SOS1: variants seen among roughly 807,000 people sequenced by gnomAD.
SOS1 encodes son of sevenless homolog 1.
SOS1 carries 25 observed loss-of-function variants against 157.6 expected under a neutral mutation model. The ratio of observed to expected loss-of-function variants is 0.16; its 90% confidence interval spans 0.12 to 0.22. SOS1 has a LOEUF of 0.22. Among genes scored for constraint, SOS1 ranks in the 10% least tolerant of loss-of-function variants. SOS1 has a pLI of 1.00. For missense variants in SOS1, 1,237 were observed against 1,599.1 expected (o/e 0.77, Z 3.86); for synonymous variants, 528 against 534.0 (o/e 0.99, Z 0.16).
At chr2:39,047,301 T>C (rs1359146869) in intron 6 of SOS1, among the ~76,000 whole-genome samples, 1 of 152,234 alleles carries the variant, frequency 6.6e-6, no homozygotes, top group Non-Finnish European at 1.5e-5. Context: ...TTATCCCTTA[T>C]GAATAAACCT....
intron 1 of SOS1, among the ~76,000 whole-genome samples, chr2:39,086,053 GT>G (rs1327526822): frequency 2.6e-5 from 4 of 152,018 alleles, no homozygotes; most frequent in African/African-American, 7.3e-5. Flanking sequence ...ACTCCTTCTG[GT>G]AATATTACAT....
chr2:39,014,910 G>T, intron 10 of SOS1, 64 bp from the exon 11 acceptor site: 1 of 930,620 alleles, frequency 1.1e-6, no homozygotes, highest in Non-Finnish European at 1.8e-6. Flanking sequence ...AAACTGTTAT[G>T]TACATTTTCA....
chr2:39,063,536 T>C (rs1033224729), intron 2 of SOS1, among the ~76,000 whole-genome samples: 1 of 152,206 alleles, frequency 6.6e-6, no homozygotes, highest in Non-Finnish European at 1.5e-5. Flanking sequence ...TACCGATTAG[T>C]GATTATTGGC....
intron 6 of SOS1, among the ~76,000 whole-genome samples, chr2:39,036,769 G>A (rs1670368409): frequency 6.6e-6 from 1 of 152,122 alleles, no homozygotes; most frequent in East Asian, 1.9e-4. Context: ...TAGAGACAGG[G>A]TTTCACCGTG....
chr2:39,009,397 T>G (rs1029479669), intron 15 of SOS1, among the ~76,000 whole-genome samples: 1 of 152,200 alleles, frequency 6.6e-6, no homozygotes, highest in Non-Finnish European at 1.5e-5. Context: ...TTCTTCAGGC[T>G]GAAAAGCAAG....
chr2:39,114,158 C>T (rs1034720910), intron 1 of SOS1, among the ~76,000 whole-genome samples: 2 of 152,120 alleles, frequency 1.3e-5, no homozygotes, highest in Non-Finnish European at 2.9e-5. Flanking sequence ...TGCAATGGCA[C>T]GATCATGGCT....
intron 18 of SOS1, 63 bp from the exon 19 acceptor site, chr2:38,997,101 T>C: frequency 2.7e-6 from 3 of 1,102,870 alleles, no homozygotes; most frequent in Non-Finnish European, 2.7e-6. Context: ...TTGAAATTCA[T>C]GGAAAGTTAA....
chr2:39,057,030 T>C (rs1671237095), intron 3 of SOS1, among the ~76,000 whole-genome samples, 164 bp from the exon 4 acceptor site: 1 of 152,170 alleles, frequency 6.6e-6, no homozygotes, highest in Non-Finnish European at 1.5e-5. Context: ...GAATAATATA[T>C]GTATTACTAT....
chr2:39,038,886 G>A (rs1253698488), intron 6 of SOS1, among the ~76,000 whole-genome samples: 1 of 152,038 alleles, frequency 6.6e-6, no homozygotes, highest in Admixed American at 6.6e-5. Flanking sequence ...AATACTGAAA[G>A]AATTTCTACT....
At chr2:39,007,682 T>G (rs954383400) in intron 15 of SOS1, among the ~76,000 whole-genome samples, 7 of 152,228 alleles carry the variant, frequency 4.6e-5, no homozygotes, top group African/African-American at 1.7e-4. Flanking sequence ...ACGAACAGCA[T>G]TAAATGTAAT....
At chr2:39,061,418 C>CG (rs1255254384) in intron 2 of SOS1, among the ~76,000 whole-genome samples, 3 of 152,032 alleles carry the variant, frequency 2.0e-5, no homozygotes, top group Non-Finnish European at 2.9e-5. Flanking sequence ...AACAGGGTCT[C>CG]GATCTATCAC....
chr2:39,037,429 T>A (rs1009309487), intron 6 of SOS1, among the ~76,000 whole-genome samples: 1 of 152,210 alleles, frequency 6.6e-6, no homozygotes, highest in Non-Finnish European at 1.5e-5. Flanking sequence ...ACAGTTCCTT[T>A]CAGTTTATTT....
At chr2:39,000,484 A>G (rs934427246) in intron 17 of SOS1, among the ~76,000 whole-genome samples, 1 of 152,188 alleles carries the variant, frequency 6.6e-6, no homozygotes, top group African/African-American at 2.4e-5. Flanking sequence ...GTACTTCAAT[A>G]TATCATTTAA....
At chr2:39,058,979 C>T (rs1182806610) in intron 2 of SOS1, among the ~76,000 whole-genome samples, 175 bp from the exon 3 acceptor site, 1 of 151,978 alleles carries the variant, frequency 6.6e-6, no homozygotes, top group Non-Finnish European at 1.5e-5. Flanking sequence ...GTATTAGTTC[C>T]TTAATTAGAC....
intron 1 of SOS1, among the ~76,000 whole-genome samples, chr2:39,117,601 T>C (rs978545098): frequency 6.6e-6 from 1 of 152,182 alleles, no homozygotes; most frequent in Non-Finnish European, 1.5e-5. Flanking sequence ...CACTTTAGCA[T>C]AGGTTGAACT....
intron 2 of SOS1, among the ~76,000 whole-genome samples, chr2:39,061,248 T>C (rs1671389802): frequency 2.0e-5 from 1 of 48,870 alleles, no homozygotes; most frequent in South Asian, 6.1e-4. Context: ...ATTCGTAGGG[T>C]TAAAAAAAAA....
intron 1 of SOS1, among the ~76,000 whole-genome samples, chr2:39,100,848 G>T (rs570786639): frequency 6.6e-6 from 1 of 152,284 alleles, no homozygotes; most frequent in Non-Finnish European, 1.5e-5. Context: ...AAGCCCAGGA[G>T]GGGGAGGTTG....
At position 39,120,318 on chromosome 2, in the gene SOS1, G is replaced by A. The variant is rs189109845; in HGVS notation, c.87+18C>T. ...TGGGGGGCTGCGGCCGGGAAGCGGG[G>A]TCCCGCGTGCTCCTCACCTTTTTCA... is the stretch of plus-strand genomic sequence containing the variant. On this transcript the variant is annotated intron_variant, in intron 1 of 22. Transcript: ENST00000402219. The A allele has an allele frequency of 1.9e-6, 3 of 1,562,012 alleles. No homozygotes were observed. The highest frequency in any genetic ancestry group is 1.4e-5 in the African/African-American group (1 of 72,382).
intron 6 of SOS1, among the ~76,000 whole-genome samples, chr2:39,050,353 T>G (rs1362652818): frequency 6.6e-6 from 1 of 152,228 alleles, no homozygotes; most frequent in Non-Finnish European, 1.5e-5. Context: ...ACCCAGGTCC[T>G]GGACCTTATT....
Sources: gnomAD v4.1 joint callset for allele counts (sites outside exome capture counted in the v4.1 genomes callset) on GRCh38, gnomAD v4.1.1 for gene constraint, MANE v1.5 for transcripts, NCBI Gene and HGNC (gene_info 2026-07-23, HGNC 2026-07-21) for gene names.